Variants in ARHGAP28 observed in about 807,000 individuals in gnomAD.
ARHGAP28 encodes the protein rho GTPase-activating protein 28.
In ARHGAP28, 56 loss-of-function variants were observed where a neutral mutation model predicts 90.7. That is an observed-to-expected ratio of 0.62 (90% CI 0.50 to 0.77). The LOEUF is 0.77. Ranked by LOEUF, ARHGAP28 falls within the 30% of genes least tolerant of loss-of-function variation. The pLI is 0.00. For synonymous variants in ARHGAP28, 308 were observed against 323.3 expected, an observed-to-expected ratio of 0.95 and a Z score of 0.51; for missense variants, 869 against 900.9, an observed-to-expected ratio of 0.96 and a Z score of 0.45.
chr18:6,783,874 T>G (rs1426963243), intron 1 of ARHGAP28, among the ~76,000 whole-genome samples: 1 of 152,158 alleles, frequency 6.6e-6, no homozygotes, highest in Non-Finnish European at 1.5e-5. Context: ...TTCATGACCC[T>G]GGCCTACTGC....
At chr18:6,841,184 T>TCTCTCTCTCTCTCTCTCTCCTCTC (rs1323392670) in intron 3 of ARHGAP28, among the ~76,000 whole-genome samples, 1 of 54,364 alleles carries the variant, frequency 1.8e-5, no homozygotes, top group Non-Finnish European at 3.4e-5. Context: ...CTCTCTCCTC[T>TCTCTCTCTCTCTCTCTCTCCTCTC]CTCTCTCTCT....
chr18:6,818,100 C>G (rs972768069), intron 1 of ARHGAP28, among the ~76,000 whole-genome samples: 2 of 152,204 alleles, frequency 1.3e-5, no homozygotes, highest in African/African-American at 2.4e-5. Context: ...CATGTATTCA[C>G]TCCTCGTAAC....
chr18:6,742,422 G>A (rs2055987052), intron 1 of ARHGAP28, among the ~76,000 whole-genome samples: 1 of 152,022 alleles, frequency 6.6e-6, no homozygotes, highest in South Asian at 2.1e-4. Context: ...CACCCACCTC[G>A]GCTTTCCAGC....
At chr18:6,762,469 A>G (rs954699436) in intron 1 of ARHGAP28, among the ~76,000 whole-genome samples, 1 of 152,200 alleles carries the variant, frequency 6.6e-6, no homozygotes, top group Admixed American at 6.6e-5. Flanking sequence ...CCCCTTCAAC[A>G]TGCTACGCAT....
chr18:6,842,364 G>T (rs2056834088), intron 3 of ARHGAP28, among the ~76,000 whole-genome samples: 1 of 151,962 alleles, frequency 6.6e-6, no homozygotes, highest in Admixed American at 6.6e-5. Context: ...GATAGATCCT[G>T]TCTCAAAAAG....
chr18:6,888,856 C>T (rs543943643), intron 12 of ARHGAP28, among the ~76,000 whole-genome samples: 5 of 152,230 alleles, frequency 3.3e-5, no homozygotes, highest in East Asian at 1.9e-4. Flanking sequence ...GTGACTGGAG[C>T]TAGGATTGCA....
Position 6,873,484 on chromosome 18 carries a change from C to T in ARHGAP28, c.1030C>T (p.Arg344Cys), listed in dbSNP as rs763511946. The change falls in exon 8 of 18, where the codon CGC becomes TGC. Residue 344 changes from arginine to cysteine, a missense_variant. Physicochemically the swap from Arg to Cys is radical, Grantham distance 180 (BLOSUM62 -3). Coordinates refer to ENST00000383472, the MANE Select transcript of ARHGAP28 (RefSeq NM_001366230.1). The part of the protein sequence containing the change: ...DLSAEDMKKI[R>C]HLSLIELTAF... ...GTCTGCTGAAGACATGAAGAAAATC[C>T]GCCATCTCTCTCTGATTGAATTGAC... The T allele has an allele frequency of 1.8e-5, 29 of 1,613,928 alleles. No individual in the cohort carries two copies. The highest frequency in any genetic ancestry group is 1.6e-4 in the Middle Eastern group (1 of 6,084).
In ARHGAP28 at chr18:6,864,226, TG is replaced by T. The variant is rs374820580; in HGVS notation, c.727-3922del. ...GACTACAAGCGCACACCACCATGCCTGGCTAATTTTTGTATTTTTAGTAGAG... is the reference window on the plus strand; with the variant it reads ...GACTACAAGCGCACACCACCATGCCTGCTAATTTTTGTATTTTTAGTAGAG... On this transcript the variant is annotated intron_variant, in intron 5 of 17. Transcript: ENST00000383472. Among the ~76,000 whole-genome samples, 79 of 152,040 alleles carry T rather than the reference TG, an allele frequency of 5.2e-4. 3 individuals are homozygous for T. The South Asian group carries it at 0.016, about 32-fold the overall frequency.
At chr18:6,840,325 G>A (rs1172728400) in intron 3 of ARHGAP28, among the ~76,000 whole-genome samples, 1 of 152,144 alleles carries the variant, frequency 6.6e-6, no homozygotes, top group Non-Finnish European at 1.5e-5. Flanking sequence ...TTTTCTCTAG[G>A]AAACTGCATT....
intron 10 of ARHGAP28, among the ~76,000 whole-genome samples, chr18:6,878,095 G>A (rs1200556822): frequency 6.6e-6 from 1 of 152,006 alleles, no homozygotes; most frequent in Non-Finnish European, 1.5e-5. Context: ...ACATTACAGA[G>A]CATTGTCCAA....
intron 16 of ARHGAP28, chr18:6,898,632 T>C: frequency 5.2e-6 from 8 of 1,549,382 alleles, no homozygotes; most frequent in Non-Finnish European, 6.1e-6. Flanking sequence ...AGTAGACTTT[T>C]AGTTACATAT....
At position 6,842,729 on chromosome 18, in the gene ARHGAP28, T is replaced by C. The variant is rs571741232; in HGVS notation, c.543+5315T>C. Among the ~76,000 whole-genome samples the C allele has an allele frequency of 8.5e-5, 13 of 152,260 alleles. No individual in the cohort carries two copies. In the East Asian group the frequency reaches 1.6e-3, roughly 18 times the overall value. On this transcript the variant is annotated intron_variant, in intron 3 of 17. Coordinates refer to ENST00000383472, the MANE Select transcript of ARHGAP28 (RefSeq NM_001366230.1). ...ATGGTCCTCTTTTCTCCCAGAACTC[T>C]CCTGTGAATAGGAGTCTGGGCCTTT... is the stretch of plus-strand genomic sequence containing the variant.
At chr18:6,745,295 G>T (rs1467531572) in intron 1 of ARHGAP28, among the ~76,000 whole-genome samples, 1 of 152,086 alleles carries the variant, frequency 6.6e-6, no homozygotes, top group Non-Finnish European at 1.5e-5. Flanking sequence ...GGCTTGACAG[G>T]AATTTCCTTC....
At chr18:6,783,599 C>A (rs1312864925) in intron 1 of ARHGAP28, among the ~76,000 whole-genome samples, 2 of 152,092 alleles carry the variant, frequency 1.3e-5, no homozygotes, top group Non-Finnish European at 1.5e-5. Flanking sequence ...CCATGACCGG[C>A]CTGGGTATTT....
chr18:6,820,538 A>G (rs1468042463), intron 1 of ARHGAP28, among the ~76,000 whole-genome samples: 1 of 152,250 alleles, frequency 6.6e-6, no homozygotes, highest in Non-Finnish European at 1.5e-5. Flanking sequence ...AATTGATGAA[A>G]GACATTAGCC....
chr18:6,904,236 A>G (rs1000686593), intron 16 of ARHGAP28, among the ~76,000 whole-genome samples: 6 of 152,050 alleles, frequency 3.9e-5, no homozygotes, highest in African/African-American at 1.4e-4. Flanking sequence ...TCTAGTAAAA[A>G]TATAAAAATT....
At position 6,812,281 on chromosome 18, in the gene ARHGAP28, G is replaced by A. The variant is rs1157930672; in HGVS notation, c.123-12481G>A. Reference sequence around the variant, plus strand: ...AAACCCTTTTCCAATATATCACTTGGCTAGCCATCAAAATCAAAATATTAC... The same window carrying A: ...AAACCCTTTTCCAATATATCACTTGACTAGCCATCAAAATCAAAATATTAC... On this transcript the variant is annotated intron_variant, in intron 1 of 17. Transcript: ENST00000383472. Among the ~76,000 whole-genome samples, 3 of 152,114 alleles carry A rather than the reference G, an allele frequency of 2.0e-5. No homozygotes were observed. The South Asian group carries it at 6.2e-4, about 32-fold the overall frequency.
chr18:6,853,708 T>C (rs1390566655), intron 4 of ARHGAP28, among the ~76,000 whole-genome samples: 2 of 152,054 alleles, frequency 1.3e-5, no homozygotes, highest in Non-Finnish European at 2.9e-5. Flanking sequence ...CTCCTGACCT[T>C]AGGTGATCCA....
chr18:6,817,338 A>AC (rs954178900), intron 1 of ARHGAP28, among the ~76,000 whole-genome samples: 3 of 151,830 alleles, frequency 2.0e-5, no homozygotes, highest in South Asian at 2.1e-4. Flanking sequence ...CAAACAAAAA[A>AC]AAAACAAAAC....
Sources: allele counts gnomAD v4.1 joint callset (sites outside exome capture counted in the v4.1 genomes callset), GRCh38; gene constraint gnomAD v4.1.1; transcripts MANE v1.5; gene names NCBI Gene and HGNC (gene_info 2026-07-23, HGNC 2026-07-21).